Variants in HHEX observed in about 807,000 individuals in gnomAD.
HHEX encodes the protein hematopoietically-expressed homeobox protein HHEX.
A neutral mutation model predicts 27.0 loss-of-function variants in HHEX; 8 were observed. The ratio of observed to expected loss-of-function variants is 0.30; its 90% CI spans 0.17 to 0.54. The LOEUF (loss-of-function observed/expected upper bound fraction) is 0.54. Ranked by LOEUF, HHEX falls within the 20% of genes least tolerant of loss-of-function variation. The pLI is 0.95. For synonymous variants in HHEX, 164 were observed against 161.5 expected (o/e 1.02, Z -0.12); for missense variants, 326 against 357.2 (o/e 0.91, Z 0.70).
Position 92,692,562 on chromosome 10 carries a change from G to T in HHEX, c.540+16G>T. 4 of 1,612,560 alleles carry T rather than the reference G, an allele frequency of 2.5e-6. No individual in the cohort carries two copies. Among genetic ancestry groups the T allele is most frequent in the Non-Finnish European group, 3.4e-6 (4 of 1,179,158 alleles). On this transcript the variant is annotated intron_variant, in intron 2 of 3. Transcript: ENST00000282728. ...CGAGAGACAGGTGAGCTCGCGGGGG[G>T]CCTGGGGCCGCCTCCGGGGAAGGGA... is the stretch of plus-strand genomic sequence containing the variant.
Position 92,692,637 on chromosome 10 carries a change from C to T in HHEX, c.541-65C>T, listed in dbSNP as rs574754629. 1.1e-3 allele frequency: 1,688 copies of T among 1,604,194 alleles called. 1 individual carries two copies. The highest frequency in any genetic ancestry group is 4.5e-3 in the Middle Eastern group (27 of 6,042). On this transcript the variant is annotated intron_variant, in intron 2 of 3. Transcript: ENST00000282728. ...GGCCACCGAGAGAGAGGCGAGGAGC[C>T]ACCCTGCCCTCTGGCACGTCCCGAC...
intron 1 of HHEX, among the ~76,000 whole-genome samples, chr10:92,690,727 T>C (rs1245275468): frequency 6.6e-6 from 1 of 152,222 alleles, no homozygotes; most frequent in Non-Finnish European, 1.5e-5. Context: ...GCTACGGGGC[T>C]GGACCTGGTT....
At chr10:92,692,130 G>T in intron 1 of HHEX, 1 of 436,160 alleles carries the variant, frequency 2.3e-6, no homozygotes, top group Non-Finnish European at 4.1e-6. Flanking sequence ...AGGTGTGACG[G>T]CTGTGTGTCT....
rs1845339651 is a variant in HHEX at position 92,690,319 on chromosome 10, G to C, written c.333G>C (p.Thr111=). 1 of 1,523,792 alleles carries C rather than the reference G, an allele frequency of 6.6e-7. No individual in the cohort carries two copies. The highest frequency in any genetic ancestry group is 8.8e-7 in the Non-Finnish European group (1 of 1,132,474). 94.4% of individuals were successfully genotyped at this position (1,523,792 alleles called of 1,614,324 possible). A position where few individuals can be genotyped will look rare whatever the true frequency, so the allele number is the denominator to read the frequency against. ...TCCCGCGGACGGTGAACGACTACAC[G>C]CACGCCCTGCTCCGCCACGACCCCC... ...YPFPRTVNDY[T]HALLRHDPLG... The change falls in exon 1 of 4, where the codon ACG becomes ACC. Residue 111 remains threonine (T), a synonymous_variant. Coordinates refer to ENST00000282728, the MANE Select transcript of HHEX (RefSeq NM_002729.5).
At chr10:92,690,496 G>GGCGCGCGGCCGGGGC in intron 1 of HHEX, 149 bp downstream of exon 1, 2 of 1,024,146 alleles carry the variant, frequency 2.0e-6, no homozygotes, top group South Asian at 3.9e-5. Flanking sequence ...GGGGACGGGA[G>GGCGCGCGGCCGGGGC]GCGCGCGGCC....
chr10:92,691,392 A>C (rs1379507509), intron 1 of HHEX, among the ~76,000 whole-genome samples: 1 of 152,222 alleles, frequency 6.6e-6, no homozygotes, highest in Non-Finnish European at 1.5e-5. Flanking sequence ...TGGAAGCTTC[A>C]GTAGGGACCC....
chr10:92,690,190 G>T lies in HHEX; in HGVS notation c.204G>T (p.Pro68=). The change falls in exon 1 of 4, where the codon CCG becomes CCT. Residue 68 remains proline, a synonymous_variant. Coordinates refer to ENST00000282728, the MANE Select transcript of HHEX (RefSeq NM_002729.5). ...FTSLVSPYRT[P]VYEPTPIHPA... ...GCCTCGTGTCCCCCTACCGGACCCC[G>T]GTGTACGAGCCCACGCCGATCCATC... The T allele has an allele frequency of 1.3e-6, 2 of 1,570,484 alleles. No individual in the cohort carries two copies. The highest frequency in any genetic ancestry group is 1.7e-6 in the Non-Finnish European group (2 of 1,158,902).
chr10:92,692,618 C>G, intron 2 of HHEX, 72 bp downstream of exon 2: 1 of 1,604,324 alleles, frequency 6.2e-7, no homozygotes, highest in Non-Finnish European at 8.5e-7. Flanking sequence ...GCCGGGCCAC[C>G]GAGAGAGAGG....
chr10:92,693,707 T>C (rs1355911098), intron 3 of HHEX, among the ~76,000 whole-genome samples: 1 of 114,322 alleles, frequency 8.7e-6, no homozygotes, highest in Non-Finnish European at 1.9e-5. Context: ...TGCATCTATT[T>C]GTTGAGACTA....
At chr10:92,693,287 T>G (rs1333402813) in intron 3 of HHEX, among the ~76,000 whole-genome samples, 1 of 152,248 alleles carries the variant, frequency 6.6e-6, no homozygotes, top group Admixed American at 6.5e-5. Flanking sequence ...AAGAAAATAT[T>G]CAAGCCTGTT....
chr10:92,692,723 C>G lies in HHEX; in HGVS notation c.562C>G (p.Arg188Gly). The change falls in exon 3 of 4, where the codon CGA (arginine) becomes GGA (glycine). Residue 188 changes from arginine (R) to glycine (G), a missense_variant. By Grantham distance (125) the Arg-to-Gly change is moderately radical (BLOSUM62 -2). Coordinates refer to ENST00000282728, the MANE Select transcript of HHEX (RefSeq NM_002729.5). ...GTAGGTCAAAACCTGGTTTCAGAAT[C>G]GACGCGCTAAATGGAGGAGACTAAA... ...ERQVKTWFQNRRAKWRRLKQE... is the reference protein window; with the variant it reads ...ERQVKTWFQNGRAKWRRLKQE... The G allele has an allele frequency of 6.2e-7, 1 of 1,613,756 alleles. No individual in the cohort carries two copies. Among genetic ancestry groups the G allele is most frequent in the South Asian group, 1.1e-5 (1 of 91,078 alleles).
chr10:92,693,072 A>G (rs1845373300), intron 3 of HHEX, among the ~76,000 whole-genome samples: 1 of 152,248 alleles, frequency 6.6e-6, no homozygotes, highest in Non-Finnish European at 1.5e-5. Flanking sequence ...TTGACAGTAA[A>G]TGACTTAAGC....
At position 92,690,142 on chromosome 10, in the gene HHEX, G is replaced by T. The variant is rs768637992; in HGVS notation, c.156G>T (p.Pro52=). ...PAAPTPAPTL[P]SPNSSFTSLV... ...CGCCCACGCCCGCCCCCACGCTGCC[G>T]TCCCCCAACTCCTCCTTCACCAGCC... Residue 52 remains proline, a synonymous_variant, in exon 1 of 4, where the codon CCG becomes CCT. Transcript: ENST00000282728. 56 of 1,549,944 alleles carry T rather than the reference G, an allele frequency of 3.6e-5. No homozygotes were observed. Among genetic ancestry groups the T allele is most frequent in the Admixed American group, 5.9e-5 (3 of 51,040 alleles).
intron 1 of HHEX, chr10:92,691,440 T>G (rs1321803840): frequency 6.6e-6 from 1 of 152,250 alleles, no homozygotes; most frequent in African/African-American, 2.4e-5. Flanking sequence ...TTTTAATGTC[T>G]CCATTATTAC....
At position 92,695,461 on chromosome 10, in the gene HHEX, C is replaced by T. The variant is rs1450003936; in HGVS notation, c.*693C>T. The T allele has an allele frequency of 2.0e-5, 3 of 152,610 alleles. No individual in the cohort carries two copies. Among genetic ancestry groups the T allele is most frequent in the East Asian group, 1.9e-4 (1 of 5,184 alleles). 9.5% of individuals were successfully genotyped at this position (152,610 alleles called of 1,614,324 possible). Reference sequence around the variant, plus strand: ...AGAAACTGACCTGACTAAAGTTAATCGCAGATGAACTAGAAGTCACAGGTT... The same window carrying T: ...AGAAACTGACCTGACTAAAGTTAATTGCAGATGAACTAGAAGTCACAGGTT... On this transcript the variant is annotated 3_prime_UTR_variant, in exon 4 of 4. Transcript: ENST00000282728.
intron 3 of HHEX, 98 bp downstream of exon 3, chr10:92,692,850 CTA>C (rs1845371504): frequency 4.1e-6 from 4 of 964,374 alleles, no homozygotes; most frequent in African/African-American, 3.3e-5. Flanking sequence ...ATTTAAGAGA[CTA>C]TTTAACCTCT....
chr10:92,694,660 A>G lies in HHEX; in HGVS notation c.705A>G (p.Gln235=), dbSNP rs752175687. 4 of 1,614,140 alleles carry G rather than the reference A, an allele frequency of 2.5e-6. No individual in the cohort carries two copies. Among genetic ancestry groups the G allele is most frequent in the Middle Eastern group, 1.6e-4 (1 of 6,062 alleles). ...AAGGTGCTTCTTTGGATAGCTCTCA[A>G]TGTTCGCCCTCCCCTGCCTCCCAGG... ...QNKGASLDSS[Q]CSPSPASQED... Residue 235 remains glutamine (Q), a synonymous_variant, in exon 4 of 4, where the codon CAA becomes CAG. Coordinates refer to ENST00000282728, the MANE Select transcript of HHEX (RefSeq NM_002729.5).
chr10:92,692,339 T>C, intron 1 of HHEX, 29 bp from the exon 2 acceptor site: 2 of 1,610,040 alleles, frequency 1.2e-6, no homozygotes, highest in Non-Finnish European at 1.7e-6. Context: ...TCCAGGGCAG[T>C]GGGTGAGCGC....
In HHEX at chr10:92,690,077, C is replaced by T; in HGVS notation, c.91C>T (p.Pro31Ser). The T allele has an allele frequency of 2.6e-6, 4 of 1,546,700 alleles. No individual in the cohort carries two copies. Among genetic ancestry groups the T allele is most frequent in the Admixed American group, 2.0e-5 (1 of 50,824 alleles). Reference protein sequence around the residue: ...TPLLQPAHPTPFYIEDILGRG... With the variant: ...TPLLQPAHPTSFYIEDILGRG... ...GCTGCTGCAACCCGCACACCCGACG[C>T]CCTTTTACATCGAGGACATCCTGGG... Residue 31 changes from proline (P) to serine (S), a missense_variant, in exon 1 of 4, where the codon CCC becomes TCC. By Grantham distance (74) the Pro-to-Ser change is moderately conservative. Around this residue, in one of 4 missense-constraint regions of HHEX, gnomAD observed 215 missense variants for 196.4 expected, o/e 1.09. Coordinates refer to ENST00000282728, the MANE Select transcript of HHEX (RefSeq NM_002729.5).
Sources: allele counts gnomAD v4.1 joint callset (sites outside exome capture counted in the v4.1 genomes callset), GRCh38; gene constraint gnomAD v4.1.1; regional missense constraint gnomAD v4.1.1; transcripts MANE v1.5; gene names NCBI Gene and HGNC (gene_info 2026-07-23, HGNC 2026-07-21).